IQGAP2: variants seen among roughly 807,000 people sequenced by gnomAD.
IQGAP2 encodes ras GTPase-activating-like protein IQGAP2.
IQGAP2 carries 173 observed loss-of-function variants against 201.3 expected under a neutral mutation model. That is an observed-to-expected ratio of 0.86 (90% CI 0.76 to 0.98). The LOEUF is 0.98. IQGAP2 is among the 50% of genes least tolerant of loss of function. The probability of loss-of-function intolerance (pLI) is 0.00; values close to 1 mark genes in which losing one functional copy is unlikely to be tolerated. For missense variants in IQGAP2, 1,687 were observed against 1,864.8 expected, an observed-to-expected ratio of 0.90 and a Z score of 1.76; for synonymous variants, 675 against 673.9, an observed-to-expected ratio of 1.00 and a Z score of -0.03.
At chr5:76,436,863 A>G (rs1752737271) in intron 1 of IQGAP2, among the ~76,000 whole-genome samples, 1 of 151,388 alleles carries the variant, frequency 6.6e-6, no homozygotes, top group African/African-American at 2.4e-5. Flanking sequence ...TGTTTATGTG[A>G]TGTATTGACT....
intron 28 of IQGAP2, among the ~76,000 whole-genome samples, chr5:76,678,034 C>A (rs564227794): frequency 6.8e-4 from 103 of 152,162 alleles, no homozygotes; most frequent in Non-Finnish European, 1.4e-3. Context: ...CAAAGCTATG[C>A]TATGTAGACC....
At chr5:76,520,999 G>T (rs1403770833) in intron 2 of IQGAP2, among the ~76,000 whole-genome samples, 2 of 152,092 alleles carry the variant, frequency 1.3e-5, no homozygotes, top group South Asian at 2.1e-4. Flanking sequence ...GTGCCACCAC[G>T]CCCGGCCTAG....
rs1282021135 is a variant in IQGAP2, at chr5:76,590,339, G to T, written c.641-69G>T. 7 of 1,220,064 alleles carry T rather than the reference G, an allele frequency of 5.7e-6. No homozygotes were observed. In the Admixed American group the frequency reaches 6.9e-5, roughly 12 times the overall value. 75.6% of individuals were successfully genotyped at this position (1,220,064 alleles called of 1,614,324 possible). ...GTAAAACTGCTTGAGTTTACACAGG[G>T]TCAATGCAACTGTCCATGTTGTCTT... On this transcript the variant is annotated intron_variant, in intron 7 of 35. Transcript: ENST00000274364.
chr5:76,411,144 G>T (rs1751091426), intron 1 of IQGAP2, among the ~76,000 whole-genome samples: 1 of 152,116 alleles, frequency 6.6e-6, no homozygotes, highest in Non-Finnish European at 1.5e-5. Context: ...GTTTTAATAG[G>T]CCCTCCAGGT....
At chr5:76,528,974 G>A (rs921164131) in intron 2 of IQGAP2, among the ~76,000 whole-genome samples, 1 of 152,224 alleles carries the variant, frequency 6.6e-6, no homozygotes, top group African/African-American at 2.4e-5. Flanking sequence ...AGCACCATGA[G>A]AAGACTTTGA....
chr5:76,435,060 CT>C (rs60916124), intron 1 of IQGAP2, among the ~76,000 whole-genome samples: 9 of 128,026 alleles, frequency 7.0e-5, no homozygotes, highest in Non-Finnish European at 1.2e-4. Flanking sequence ...TTTTTTTTTT[CT>C]TTTTTTTTGC....
intron 1 of IQGAP2, among the ~76,000 whole-genome samples, chr5:76,455,073 A>G (rs1364330063): frequency 6.6e-6 from 1 of 152,154 alleles, no homozygotes; most frequent in Non-Finnish European, 1.5e-5. Context: ...GACCAAATGA[A>G]TTTTTCTCTT....
intron 22 of IQGAP2, among the ~76,000 whole-genome samples, chr5:76,667,627 C>T (rs1471238457): frequency 6.6e-6 from 1 of 152,120 alleles, no homozygotes; most frequent in South Asian, 2.1e-4. Context: ...ATTTTAAGTT[C>T]TTTGTTGTTT....
rs1331868863 is a variant in IQGAP2 at position 76,466,529 on chromosome 5, GTC to G, written c.146+4862_146+4863del. On this transcript the variant is annotated intron_variant, in intron 2 of 35. Coordinates refer to ENST00000274364, the MANE Select transcript of IQGAP2 (RefSeq NM_006633.5). ...ATAGATCAATAGAGTAGATTTGAGA[GTC>G]TAGAAATAAACCCTAACACTTCTGG... Among the ~76,000 whole-genome samples, 12 of 152,304 alleles carry G rather than the reference GTC, an allele frequency of 7.9e-5. No homozygotes were observed. The East Asian group carries it at 2.1e-3, about 27-fold the overall frequency.
chr5:76,444,079 G>T (rs954455494), intron 1 of IQGAP2, among the ~76,000 whole-genome samples: 6 of 152,094 alleles, frequency 3.9e-5, no homozygotes, highest in Non-Finnish European at 2.9e-5. Flanking sequence ...ATAGTAGAAA[G>T]AATTATGGAG....
At chr5:76,450,661 C>T (rs1274351726) in intron 1 of IQGAP2, among the ~76,000 whole-genome samples, 2 of 152,278 alleles carry the variant, frequency 1.3e-5, no homozygotes, top group Non-Finnish European at 2.9e-5. Context: ...AGTCTTGCTG[C>T]TTGCTGTTGG....
intron 2 of IQGAP2, among the ~76,000 whole-genome samples, chr5:76,551,271 A>T (rs1297586430): frequency 6.8e-6 from 1 of 147,808 alleles, no homozygotes; most frequent in Non-Finnish European, 1.5e-5. Context: ...GGCGGGGCAG[A>T]GGCGCTCCCC....
intron 1 of IQGAP2, among the ~76,000 whole-genome samples, chr5:76,450,064 G>T (rs1332461293): frequency 6.6e-6 from 1 of 152,136 alleles, no homozygotes. Flanking sequence ...TACTTTCTGA[G>T]AGCAGTGGTA....
intron 2 of IQGAP2, among the ~76,000 whole-genome samples, chr5:76,489,837 G>T (rs1756428661): frequency 6.6e-6 from 1 of 152,174 alleles, no homozygotes; most frequent in South Asian, 2.1e-4. Flanking sequence ...TATGAGGATT[G>T]TTTCTGACTC....
intron 25 of IQGAP2, 141 bp from the exon 26 acceptor site, chr5:76,673,811 T>C: frequency 1.5e-6 from 1 of 680,302 alleles, no homozygotes; most frequent in Non-Finnish European, 2.5e-6. Context: ...GTGGAAGTCC[T>C]GTGATTCCAT....
chr5:76,436,505 A>G (rs1352253078), intron 1 of IQGAP2, among the ~76,000 whole-genome samples: 6 of 23,426 alleles, frequency 2.6e-4, no homozygotes. Flanking sequence ...ATATATATAT[A>G]TATATATATA....
At chr5:76,496,941 T>C (rs1407703158) in intron 2 of IQGAP2, among the ~76,000 whole-genome samples, 3 of 152,052 alleles carry the variant, frequency 2.0e-5, no homozygotes, top group Non-Finnish European at 2.9e-5. Flanking sequence ...GCGATTCTCC[T>C]GTCTCTGCCT....
intron 4 of IQGAP2, among the ~76,000 whole-genome samples, chr5:76,574,629 A>G (rs1745346108): frequency 6.6e-6 from 1 of 152,230 alleles, no homozygotes; most frequent in Non-Finnish European, 1.5e-5. Flanking sequence ...AAGAAATAGT[A>G]TGTAGGATAA....
intron 1 of IQGAP2, among the ~76,000 whole-genome samples, chr5:76,421,775 G>A (rs1035730978): frequency 6.6e-6 from 1 of 152,184 alleles, no homozygotes; most frequent in African/African-American, 2.4e-5. Context: ...TAGACAACAA[G>A]TTGCCTTTGA....
Sources: gnomAD v4.1 joint callset for allele counts (sites outside exome capture counted in the v4.1 genomes callset) on GRCh38, gnomAD v4.1.1 for gene constraint, MANE v1.5 for transcripts, NCBI Gene and HGNC (gene_info 2026-07-23, HGNC 2026-07-21) for gene names.